The following C12orf42 variants were observed in gnomAD, a reference collection of about 807,000 sequenced individuals.
C12orf42 encodes the protein uncharacterized protein C12orf42.
C12orf42 carries 25 observed loss-of-function variants against 21.6 expected under a neutral mutation model. The ratio of observed to expected loss-of-function variants is 1.16; its 90% CI spans 0.84 to 1.62. The LOEUF is 1.62. C12orf42 is among the 40% of genes most tolerant of loss of function. The pLI, the probability that C12orf42 is intolerant of heterozygous loss-of-function variation, is 0.00. For missense variants in C12orf42, 483 were observed against 459.3 expected, an observed-to-expected ratio of 1.05 and a Z score of -0.47; for synonymous variants, 174 against 175.0, an observed-to-expected ratio of 0.99 and a Z score of 0.05.
chr12:103,184,655 C>T, the C12orf42 span, among the ~76,000 whole-genome samples: 1 of 149,324 alleles, frequency 6.7e-6, no homozygotes, highest in Non-Finnish European at 1.5e-5. Flanking sequence ...GACCCCAAGT[C>T]AAAGACATGG....
the C12orf42 span, among the ~76,000 whole-genome samples, chr12:103,182,108 G>A: frequency 6.8e-6 from 1 of 148,116 alleles, no homozygotes; most frequent in Non-Finnish European, 1.5e-5. Flanking sequence ...GAATTACACG[G>A]CTGGTCTTTA....
At chr12:103,441,116 T>C (rs2137297611) in intron 2 of C12orf42, among the ~76,000 whole-genome samples, 1 of 152,290 alleles carries the variant, frequency 6.6e-6, no homozygotes, top group East Asian at 1.9e-4. Context: ...AAAGCAAATA[T>C]TGTTTCCTCC....
chr12:103,455,790 A>G (rs988076598), intron 2 of C12orf42, among the ~76,000 whole-genome samples: 2 of 152,278 alleles, frequency 1.3e-5, no homozygotes, highest in South Asian at 4.1e-4. Context: ...AGAGATTTCT[A>G]AAACATTTGC....
the C12orf42 span, among the ~76,000 whole-genome samples, chr12:103,103,145 A>C: frequency 6.6e-6 from 1 of 152,146 alleles, no homozygotes; most frequent in Non-Finnish European, 1.5e-5. Context: ...AATGTAACCT[A>C]ATCAAGGGAG....
intron 10 of C12orf42, among the ~76,000 whole-genome samples, chr12:103,260,578 C>T (rs990936567): frequency 6.6e-6 from 1 of 152,112 alleles, no homozygotes; most frequent in African/African-American, 2.4e-5. Flanking sequence ...TACAAAGTGA[C>T]CTAGCAAATT....
chr12:103,222,398 A>G, the C12orf42 span, among the ~76,000 whole-genome samples: 10 of 152,270 alleles, frequency 6.6e-5, no homozygotes, highest in South Asian at 1.9e-3. Flanking sequence ...GTCATCACTT[A>G]AGGCAAGGAC....
the C12orf42 span, among the ~76,000 whole-genome samples, chr12:103,096,402 T>A: frequency 3.9e-5 from 6 of 152,320 alleles, no homozygotes; most frequent in African/African-American, 1.4e-4. Flanking sequence ...CGGACCCAAG[T>A]ACTTAATAAA....
intron 4 of C12orf42, among the ~76,000 whole-genome samples, chr12:103,291,692 T>A (rs1403219024): frequency 6.6e-6 from 1 of 152,196 alleles, no homozygotes; most frequent in African/African-American, 2.4e-5. Flanking sequence ...GGCATCTCCA[T>A]GACATTTGTA....
chr12:103,168,215 A>T, the C12orf42 span: 26 of 385,386 alleles, frequency 6.7e-5, no homozygotes, highest in South Asian at 5.1e-4. Context: ...CCAACCATAC[A>T]TGAATTTATA....
At chr12:103,152,230 C>T in the C12orf42 span, among the ~76,000 whole-genome samples, 682 of 152,274 alleles carry the variant, frequency 4.5e-3, 5 homozygotes, top group African/African-American at 0.016. Flanking sequence ...CCTTGTGAGA[C>T]CCTGAGCAGA....
chr12:103,380,345 C>A lies in C12orf42; in HGVS notation c.148-11347G>T, dbSNP rs150297103. Among the ~76,000 whole-genome samples the A allele has an allele frequency of 3.5e-3, 533 of 152,240 alleles. 1 individual carries two copies. Among genetic ancestry groups the A allele is most frequent in the Middle Eastern group, 0.01 (3 of 292 alleles). The stretch of plus-strand genomic sequence containing the variant: ...GGTCACTGCATAAACAGATGTTAAG[C>A]TTCTGTGAGATTTTTTTTTTGTAAA... On this transcript the variant is annotated intron_variant, in intron 3 of 5. Transcript: ENST00000548883.
the C12orf42 span, among the ~76,000 whole-genome samples, chr12:103,077,075 T>C: frequency 1.3e-5 from 2 of 152,340 alleles, no homozygotes; most frequent in Admixed American, 6.5e-5. Context: ...TGAGACTTTG[T>C]TCTAGACCCA....
rs557902115 is a variant in C12orf42 at position 103,382,806 on chromosome 12, C to T, written c.148-13808G>A. Among the ~76,000 whole-genome samples, 9 of 152,208 alleles carry T rather than the reference C, an allele frequency of 5.9e-5. 1 individual carries two copies. The South Asian group carries it at 1.9e-3, about 32-fold the overall frequency. On this transcript the variant is annotated intron_variant, in intron 3 of 5. Transcript: ENST00000548883. Reference sequence around the variant, plus strand: ...AATCTATTCTAGTTCTAGTCTTTCCCCTCTTTTCTCCTACCTTTCCTATAT... The same window carrying T: ...AATCTATTCTAGTTCTAGTCTTTCCTCTCTTTTCTCCTACCTTTCCTATAT...
the C12orf42 span, among the ~76,000 whole-genome samples, chr12:103,216,405 C>G: frequency 6.7e-6 from 1 of 150,234 alleles, no homozygotes; most frequent in African/African-American, 2.5e-5. Context: ...GAGTCTCGCT[C>G]TGTCACCCAG....
At chr12:103,196,955 T>C in the C12orf42 span, among the ~76,000 whole-genome samples, 1 of 152,192 alleles carries the variant, frequency 6.6e-6, no homozygotes, top group African/African-American at 2.4e-5. Flanking sequence ...GATCCTGTCA[T>C]CATGTTCTTA....
intron 2 of C12orf42, among the ~76,000 whole-genome samples, chr12:103,463,890 CA>C (rs1269302351): frequency 3.3e-5 from 5 of 152,288 alleles, no homozygotes; most frequent in African/African-American, 1.2e-4. Flanking sequence ...TGTGTCCCTG[CA>C]AAGGAAACAA....
At chr12:103,125,856 A>G in the C12orf42 span, among the ~76,000 whole-genome samples, 1 of 152,216 alleles carries the variant, frequency 6.6e-6, no homozygotes, top group Non-Finnish European at 1.5e-5. Flanking sequence ...AAACACTAAG[A>G]TGTTTCTGCC....
At chr12:103,265,156 A>T (rs181338062), downstream of C12orf42, among the ~76,000 whole-genome samples, 1 of 152,162 alleles carries the variant, frequency 6.6e-6, no homozygotes, top group East Asian at 1.9e-4. Flanking sequence ...TCTCTTTCAT[A>T]AGGGCTCCAC....
At chr12:103,390,183 A>G (rs1341572366) in intron 3 of C12orf42, among the ~76,000 whole-genome samples, 1 of 152,174 alleles carries the variant, frequency 6.6e-6, no homozygotes, top group East Asian at 1.9e-4. Context: ...TCATGGTTGC[A>G]TCCCCAGTAT....
Sources: gnomAD v4.1 joint callset for allele counts (sites outside exome capture counted in the v4.1 genomes callset) on GRCh38, gnomAD v4.1.1 for gene constraint, MANE v1.5 for transcripts, NCBI Gene and HGNC (gene_info 2026-07-23, HGNC 2026-07-21) for gene names.